The following FGFR2 variants were observed in gnomAD, a reference collection of about 807,000 sequenced individuals.
The protein encoded by FGFR2 is BEK fibroblast growth factor receptor.
Under a neutral mutation model 95.9 loss-of-function variants are expected in FGFR2, and 19 were observed. The ratio of observed to expected loss-of-function variants is 0.20; its 90% CI spans 0.14 to 0.29. FGFR2 has a LOEUF of 0.29. Among genes scored for constraint, FGFR2 ranks in the 10% least tolerant of loss-of-function variants. The probability of loss-of-function intolerance (pLI) is 1.00; values close to 1 mark genes in which losing one functional copy is unlikely to be tolerated. For missense variants in FGFR2, 707 were observed against 1,056.9 expected (o/e 0.67, Z 4.59); for synonymous variants, 392 against 393.3 (o/e 1.00, Z 0.04).
intron 6 of FGFR2, among the ~76,000 whole-genome samples, chr10:121,535,068 G>A (rs185462785): frequency 1.1e-3 from 173 of 152,286 alleles, no homozygotes; most frequent in Middle Eastern, 6.8e-3. Flanking sequence ...GAGGAAGACA[G>A]AAGGAGATTT....
intron 4 of FGFR2, among the ~76,000 whole-genome samples, chr10:121,560,615 CAAA>C (rs34753296): frequency 0.014 from 744 of 51,756 alleles, 15 homozygotes; most frequent in East Asian, 0.11. Context: ...ACTCCGTCCC[CAAA>C]AAAAAAAAAA....
In FGFR2 at chr10:121,503,866, C is replaced by T. The variant is rs1251168391; in HGVS notation, c.1363G>A (p.Ala455Thr). 6.2e-7 allele frequency: 1 copy of T among 1,614,086 alleles called. No individual in the cohort carries two copies. Among genetic ancestry groups the T allele is most frequent in the South Asian group, 1.1e-5 (1 of 91,066 alleles). Residue 455 changes from alanine to threonine, a missense_variant, in exon 10 of 18, where the codon GCA becomes ACA. By Grantham distance (58) the Ala-to-Thr change is moderately conservative. This residue lies in a region of FGFR2 where 194 missense variants were observed against 267.3 expected (regional missense o/e 0.73). Coordinates refer to ENST00000358487, the MANE Select transcript of FGFR2 (RefSeq NM_000141.5). ...ACCCCTGCCAGCATGGGGGTGTCTGCCGTTGAAGAGAGGCGTGTTGTTATC... is the reference window on the plus strand; with the variant it reads ...ACCCCTGCCAGCATGGGGGTGTCTGTCGTTGAAGAGAGGCGTGTTGTTATC... ...VRITTRLSST[A>T]DTPMLAGVSE...
rs1052871064 is a variant in FGFR2 at position 121,517,702 on chromosome 10, G to C, written c.940-239C>G. Among the ~76,000 whole-genome samples, 4 of 151,932 alleles carry C rather than the reference G, an allele frequency of 2.6e-5. No homozygotes were observed. The highest frequency in any genetic ancestry group is 4.4e-5 in the Non-Finnish European group (3 of 68,002). ...CTCCTACACATGCACGCAATCAAACGCATGGAAAAAATCAACCCACAGAGG... is the reference window on the plus strand; with the variant it reads ...CTCCTACACATGCACGCAATCAAACCCATGGAAAAAATCAACCCACAGAGG... On this transcript the variant is annotated intron_variant, in intron 7 of 17. Transcript: ENST00000358487. This position sits in a 1 kb window ranked among gnomAD's most constrained non-coding sequence, Gnocchi z 4.7.
intron 2 of FGFR2, among the ~76,000 whole-genome samples, chr10:121,573,999 G>A (rs1015047421): frequency 2.6e-5 from 4 of 152,126 alleles, no homozygotes; most frequent in Admixed American, 6.5e-5. Context: ...GTAAGTGGCC[G>A]CCACTGTCCT....
intron 2 of FGFR2, among the ~76,000 whole-genome samples, chr10:121,579,767 A>G (rs1318824718): frequency 2.0e-5 from 3 of 152,130 alleles, no homozygotes; most frequent in Non-Finnish European, 4.4e-5. Context: ...ACACCAAACC[A>G]TGGGCAAGAG....
Position 121,485,332 on chromosome 10 carries a change from GGA to G in FGFR2, c.2195+61_2195+62del. On this transcript the variant is annotated intron_variant, in intron 16 of 17. Transcript: ENST00000358487. This position sits in a 1 kb window ranked among gnomAD's most constrained non-coding sequence, Gnocchi z 4.2. ...GGGCCTTCAAAAACGAGATACATCA[GGA>G]GAGGTATTACTGGTGTGGCAAGTCC... The G allele has an allele frequency of 6.2e-7, 1 of 1,606,434 alleles. No homozygotes were observed. Among genetic ancestry groups the G allele is most frequent in the Non-Finnish European group, 8.5e-7 (1 of 1,173,550 alleles).
rs150418840 is a variant in FGFR2, at chr10:121,544,934, C to T, written c.625-6219G>A. ...GAGGTGGGAGGATCACTTGAGCTTA[C>T]GTGTTCGAAGCCAGTCTGGGCAACC... On this transcript the variant is annotated intron_variant, in intron 5 of 17. Coordinates refer to ENST00000358487, the MANE Select transcript of FGFR2 (RefSeq NM_000141.5). Among the ~76,000 whole-genome samples, 726 of 152,250 alleles carry T rather than the reference C, an allele frequency of 4.8e-3. 9 individuals carry two copies. Among genetic ancestry groups the T allele is most frequent in the African/African-American group, 0.017 (688 of 41,558 alleles).
rs562206399 is a variant in FGFR2, at chr10:121,553,546, C to T, written c.455-2087G>A. Among the ~76,000 whole-genome samples the T allele has an allele frequency of 2.6e-5, 4 of 152,314 alleles. No individual in the cohort carries two copies. The East Asian group carries it at 7.7e-4, about 29-fold the overall frequency. On this transcript the variant is annotated intron_variant, in intron 4 of 17. Transcript: ENST00000358487. ...TTGAGAGCACAAAACAAATAATGAG[C>T]TTTGTCACTACACAAAGACGTTTAC...
At chr10:121,496,194 AAAAG>A (rs201040491) in intron 13 of FGFR2, among the ~76,000 whole-genome samples, 2,053 of 152,212 alleles carry the variant, frequency 0.013, 16 homozygotes, top group Non-Finnish European at 0.022. Flanking sequence ...AGAAAAAAAA[AAAAG>A]AAAGAAAGAA....
At chr10:121,567,714 G>A (rs1039560379) in intron 2 of FGFR2, among the ~76,000 whole-genome samples, 2 of 152,242 alleles carry the variant, frequency 1.3e-5, no homozygotes, top group Non-Finnish European at 2.9e-5. Context: ...ATGGCCCGCG[G>A]GCCAAGCCAG....
intron 9 of FGFR2, among the ~76,000 whole-genome samples, chr10:121,511,157 G>A (rs1165186312): frequency 6.6e-6 from 1 of 151,552 alleles, no homozygotes; most frequent in African/African-American, 2.4e-5. Context: ...AGCTGAGAAG[G>A]TGAAACTAAA....
Position 121,564,482 on chromosome 10 carries a change from G to A in FGFR2, c.454+20C>T, listed in dbSNP as rs186223990. 3.2e-5 allele frequency: 51 copies of A among 1,610,400 alleles called. No individual in the cohort carries two copies. In the African/African-American group the frequency reaches 4.4e-4, roughly 14 times the overall value. On this transcript the variant is annotated intron_variant, in intron 4 of 17. Transcript: ENST00000358487. ...CCATGCTCCTCTCTCGGGGACCATC[G>A]GAGCCGGGCAGTTACTTACTCTTGT...
rs1589723763 is a variant in FGFR2 at position 121,488,182 on chromosome 10, T to C, written c.1864-69A>G. 7 of 1,592,580 alleles carry C rather than the reference T, an allele frequency of 4.4e-6. No individual in the cohort carries two copies. The East Asian group carries it at 1.6e-4, about 36-fold the overall frequency. On this transcript the variant is annotated intron_variant, in intron 13 of 17. Transcript: ENST00000358487. ...ACCGCCAGAACAAAAAGGAAATATG[T>C]TCATTTCTTAAAATGCAGATAGAAA... is the stretch of plus-strand genomic sequence containing the variant.
chr10:121,509,491 T>C (rs1038546229), intron 9 of FGFR2, among the ~76,000 whole-genome samples: 5 of 105,068 alleles, frequency 4.8e-5, no homozygotes, highest in African/African-American at 2.0e-4. Flanking sequence ...TCTTTTTTTT[T>C]TTTTTTTTTT....
intron 5 of FGFR2, among the ~76,000 whole-genome samples, chr10:121,545,800 G>A (rs1207489896): frequency 2.6e-5 from 4 of 152,136 alleles, no homozygotes; most frequent in Admixed American, 2.6e-4. Context: ...GTTTAGTAGT[G>A]ATTATAACAA....
chr10:121,540,849 C>G (rs571334310), intron 5 of FGFR2, among the ~76,000 whole-genome samples: 1 of 152,206 alleles, frequency 6.6e-6, no homozygotes, highest in Admixed American at 6.5e-5. Context: ...CTGTCAATGT[C>G]TTTCTTGTGC....
Position 121,534,162 on chromosome 10 carries a change from A to G in FGFR2, c.748+4430T>C, listed in dbSNP as rs1362353971. On this transcript the variant is annotated intron_variant, in intron 6 of 17. Transcript: ENST00000358487. Reference sequence around the variant, plus strand: ...CGCCCAGGCTGGAGTGCAATGGCACAATCTCAGCTCACTGCAACCTCTGCC... The same window carrying G: ...CGCCCAGGCTGGAGTGCAATGGCACGATCTCAGCTCACTGCAACCTCTGCC... Among the ~76,000 whole-genome samples, 12 of 136,128 alleles carry G rather than the reference A, an allele frequency of 8.8e-5. No homozygotes were observed. In the South Asian group the frequency reaches 2.5e-3, roughly 29 times the overall value. The allele number at this position is 136,128 out of a possible 152,430, so 89.3% of individuals were successfully genotyped here.
intron 2 of FGFR2, among the ~76,000 whole-genome samples, chr10:121,567,991 G>C (rs772947005): frequency 2.6e-5 from 4 of 152,224 alleles, no homozygotes; most frequent in African/African-American, 4.8e-5. Context: ...AAGATGTTGG[G>C]AACTTAGTTT....
chr10:121,575,810 C>G (rs988992800), intron 2 of FGFR2, among the ~76,000 whole-genome samples: 1 of 151,364 alleles, frequency 6.6e-6, no homozygotes. Flanking sequence ...GAGCCGAGAT[C>G]GTGCCACTGC....
Sources: gnomAD v4.1 joint callset for allele counts (sites outside exome capture counted in the v4.1 genomes callset) on GRCh38, gnomAD v4.1.1 for gene constraint, gnomAD v4.1.1 regional missense constraint, Gnocchi (gnomAD v3.1) non-coding constraint, MANE v1.5 for transcripts, NCBI Gene and HGNC (gene_info 2026-07-23, HGNC 2026-07-21) for gene names.